Variants in SLC38A10 observed in about 807,000 individuals in gnomAD.
SLC38A10 encodes solute carrier family 38 member 10, also known as Sodium-coupled neutral amino acid transporter 10.
In SLC38A10, 53 loss-of-function variants were observed where a neutral mutation model predicts 81.0. The observed-to-expected ratio is 0.65, with a 90% CI of 0.53 to 0.82. SLC38A10 has a LOEUF of 0.82. Among genes scored for constraint, SLC38A10 ranks in the 40% least tolerant of loss-of-function variants. The probability of loss-of-function intolerance (pLI) is 0.00; values close to 1 mark genes in which losing one functional copy is unlikely to be tolerated. For synonymous variants in SLC38A10, 665 were observed against 655.3 expected, an observed-to-expected ratio of 1.01 and a Z score of -0.23; for missense variants, 1,471 against 1,545.0, an observed-to-expected ratio of 0.95 and a Z score of 0.80.
chr17:81,275,846 G>A (rs957413885), intron 8 of SLC38A10, 123 bp downstream of exon 8: 34 of 1,166,014 alleles, frequency 2.9e-5, no homozygotes, highest in Admixed American at 1.2e-4. Flanking sequence ...CCGCCCTCCC[G>A]GGACTCCTCT....
intron 11 of SLC38A10, among the ~76,000 whole-genome samples, chr17:81,259,430 T>A (rs2063001318): frequency 1.3e-5 from 2 of 152,154 alleles, no homozygotes; most frequent in Non-Finnish European, 2.9e-5. Context: ...GACCCCAGCG[T>A]GAAGGTCATC....
intron 10 of SLC38A10, among the ~76,000 whole-genome samples, chr17:81,269,501 G>C (rs1367530774): frequency 6.6e-6 from 1 of 152,112 alleles, no homozygotes; most frequent in Admixed American, 6.6e-5. Flanking sequence ...ACACGTGGAC[G>C]TGTATTCTAA....
At chr17:81,247,385 C>G (rs2062862560) in intron 14 of SLC38A10, 1 of 259,348 alleles carries the variant, frequency 3.9e-6, no homozygotes, top group Non-Finnish European at 7.3e-6. Flanking sequence ...AGGACCCCAG[C>G]AAGCCTGCTC....
rs777892658 is a variant in SLC38A10 at position 81,270,871 on chromosome 17, C to T, written c.1131+47G>A. The stretch of plus-strand genomic sequence containing the variant: ...CCTCCCGCCTCCACCTCTCCCCAGC[C>T]CAGACCCATCAGCCCTCGTCCAGGC... On this transcript the variant is annotated intron_variant, in intron 10 of 15. Coordinates refer to ENST00000374759, the MANE Select transcript of SLC38A10 (RefSeq NM_001037984.3). This position sits in a 1 kb window ranked among gnomAD's most constrained non-coding sequence, Gnocchi z 4.0. 1.3e-6 allele frequency: 2 copies of T among 1,556,578 alleles called. No individual in the cohort carries two copies. Among genetic ancestry groups the T allele is most frequent in the Admixed American group, 3.3e-5 (2 of 59,848 alleles).
At chr17:81,266,104 G>A (rs1002683041) in intron 10 of SLC38A10, among the ~76,000 whole-genome samples, 18 of 152,216 alleles carry the variant, frequency 1.2e-4, no homozygotes, top group African/African-American at 4.8e-5. Context: ...AGTCAGTGAC[G>A]CGCCAGCCAC....
At chr17:81,269,118 A>G (rs1198861464) in intron 10 of SLC38A10, among the ~76,000 whole-genome samples, 1 of 152,232 alleles carries the variant, frequency 6.6e-6, no homozygotes, top group East Asian at 1.9e-4. Flanking sequence ...GCTTCAAACT[A>G]AAAAGCAAAA....
chr17:81,260,834 A>G (rs1230894562), intron 10 of SLC38A10, among the ~76,000 whole-genome samples: 2 of 152,206 alleles, frequency 1.3e-5, no homozygotes, highest in South Asian at 2.1e-4. Flanking sequence ...GCACTGCCCA[A>G]CCTGCCTGGG....
rs989064685 is a variant in SLC38A10 at position 81,260,410 on chromosome 17, C to T, written c.1132-16G>A. ...ACAGCACCACCTGAGGAGACAAAGACCCCAGGGGCGGGAGTCACAGCTGGC... is the reference window on the plus strand; with the variant it reads ...ACAGCACCACCTGAGGAGACAAAGATCCCAGGGGCGGGAGTCACAGCTGGC... On this transcript the variant is annotated splice_polypyrimidine_tract_variant and intron_variant, in intron 10 of 15. Transcript: ENST00000374759. 2.2e-5 allele frequency: 36 copies of T among 1,603,662 alleles called. No homozygotes were observed. The highest frequency in any genetic ancestry group is 2.8e-5 in the Non-Finnish European group (33 of 1,174,712).
At chr17:81,262,477 G>A (rs1023344566) in intron 10 of SLC38A10, among the ~76,000 whole-genome samples, 3 of 152,220 alleles carry the variant, frequency 2.0e-5, no homozygotes, top group African/African-American at 7.2e-5. Context: ...CGTCCCGGGT[G>A]GATTTCTCTA....
chr17:81,284,863 G>T lies in SLC38A10; in HGVS notation c.250C>A (p.Leu84Met). 6.5e-7 allele frequency: 1 copy of T among 1,544,858 alleles called. No homozygotes were observed. Among genetic ancestry groups the T allele is most frequent in the Non-Finnish European group, 8.7e-7 (1 of 1,143,840 alleles). Residue 84 changes from leucine (L) to methionine (M), a missense_variant, in exon 3 of 16, where the codon CTG (leucine) becomes ATG (methionine). Physicochemically the swap from Leu to Met is conservative, Grantham distance 15. Around this residue, in one of 2 missense-constraint regions of SLC38A10, gnomAD observed 720 missense variants for 827.7 expected, o/e 0.87. Transcript: ENST00000374759. ...GGCGGGGCTTACCTGGTCTCCACCA[G>T]CATCTTGCCTGCCTTCCCGTAGGCG... ...FHAYGKAGKM[L>M]VETSMIGLML...
rs113206625 is a variant in SLC38A10, at chr17:81,276,590, C to T, written c.730-439G>A. Among the ~76,000 whole-genome samples the T allele has an allele frequency of 0.01, 1,530 of 152,218 alleles. 36 individuals are homozygous for T. The highest frequency in any genetic ancestry group is 0.035 in the African/African-American group (1,456 of 41,528). Reference sequence around the variant, plus strand: ...TATTTTTAGTAGAGACAGGGTTTCACCATGTTGGCCAGGCTGGTCTTGAAC... The same window carrying T: ...TATTTTTAGTAGAGACAGGGTTTCATCATGTTGGCCAGGCTGGTCTTGAAC... On this transcript the variant is annotated intron_variant, in intron 7 of 15. Transcript: ENST00000374759. This position sits in a 1 kb window ranked among gnomAD's most constrained non-coding sequence, Gnocchi z 4.7.
intron 10 of SLC38A10, chr17:81,263,289 C>T (rs9893363): frequency 0.2 from 30,931 of 152,248 alleles, 3,388 homozygotes; most frequent in Non-Finnish European, 0.23. Flanking sequence ...ATTCCAGACA[C>T]GCGGGTCCAG....
In SLC38A10 at chr17:81,270,833, G is replaced by C. The variant is rs2063108475; in HGVS notation, c.1131+85C>G. 2.5e-6 allele frequency: 3 copies of C among 1,181,132 alleles called. No individual in the cohort carries two copies. The highest frequency in any genetic ancestry group is 1.2e-6 in the Non-Finnish European group (1 of 805,634). The allele number at this position is 1,181,132 out of a possible 1,614,324, so 73.2% of individuals were successfully genotyped here. The stretch of plus-strand genomic sequence containing the variant: ...TTGATAGAACCCATCTGAAAACGCT[G>C]AACCAGGGGCTTCCTCCCGCCTCCA... On this transcript the variant is annotated intron_variant, in intron 10 of 15. Transcript: ENST00000374759. The surrounding 1 kb of genome is among the most constrained non-coding windows in gnomAD (Gnocchi z 4.0).
intron 9 of SLC38A10, 52 bp downstream of exon 9, chr17:81,272,464 G>T: frequency 8.1e-7 from 1 of 1,236,176 alleles, no homozygotes; most frequent in Non-Finnish European, 1.1e-6. Context: ...CTTGGTTGAT[G>T]CCGAAGCCCC....
rs1181154906 is a variant in SLC38A10 at position 81,277,171 on chromosome 17, G to A, written c.627-38C>T. ...AGGCCATTTCACAGCGGACCTGAGA[G>A]AGGCACGCCCTCCCCAGCGGCTCCA... On this transcript the variant is annotated intron_variant, in intron 6 of 15. Transcript: ENST00000374759. This position sits in a 1 kb window ranked among gnomAD's most constrained non-coding sequence, Gnocchi z 4.5. 2 of 1,592,406 alleles carry A rather than the reference G, an allele frequency of 1.3e-6. No homozygotes were observed. Among genetic ancestry groups the A allele is most frequent in the Admixed American group, 1.7e-5 (1 of 59,770 alleles).
intron 10 of SLC38A10, among the ~76,000 whole-genome samples, chr17:81,268,095 T>C (rs1300751655): frequency 6.6e-6 from 1 of 151,296 alleles, no homozygotes; most frequent in Non-Finnish European, 1.5e-5. Context: ...AGCAAGATGA[T>C]GAACGCCAAG....
intron 11 of SLC38A10, among the ~76,000 whole-genome samples, chr17:81,256,849 C>T (rs2062977444): frequency 6.6e-6 from 1 of 152,212 alleles, no homozygotes; most frequent in Non-Finnish European, 1.5e-5. Context: ...AGGGGGAATC[C>T]CAGGCTATCT....
intron 11 of SLC38A10, among the ~76,000 whole-genome samples, chr17:81,257,578 G>C (rs530307312): frequency 6.6e-6 from 1 of 152,292 alleles, no homozygotes; most frequent in East Asian, 1.9e-4. Context: ...GCAGCCTCTG[G>C]CCTGTGTTGA....
rs142601091 is a variant in SLC38A10 at position 81,290,994 on chromosome 17, A to G, written c.100-1186T>C. On this transcript the variant is annotated intron_variant, in intron 1 of 15. Transcript: ENST00000374759. ...TGCACTCCAGCCTGGCGACCGAGCA[A>G]GACTCCGCCTCGAGAAAATAAAAAG... Among the ~76,000 whole-genome samples, 654 of 152,136 alleles carry G rather than the reference A, an allele frequency of 4.3e-3. 4 individuals carry two copies. Among genetic ancestry groups the G allele is most frequent in the Middle Eastern group, 0.01 (3 of 294 alleles).
Sources: allele counts gnomAD v4.1 joint callset (sites outside exome capture counted in the v4.1 genomes callset), GRCh38; gene constraint gnomAD v4.1.1; regional missense constraint gnomAD v4.1.1; non-coding constraint Gnocchi (gnomAD v3.1); transcripts MANE v1.5; gene names NCBI Gene and HGNC (gene_info 2026-07-23, HGNC 2026-07-21).